Variants in COL21A1 observed in about 807,000 individuals in gnomAD.
COL21A1 encodes the protein collagen type XXI alpha 1 chain, also known as collagen alpha-1(XXI) chain.
A neutral mutation model predicts 137.9 loss-of-function variants in COL21A1; 149 were observed. The ratio of observed to expected loss-of-function variants is 1.08; its 90% CI spans 0.95 to 1.24. The LOEUF is 1.24. COL21A1 is among the 50% of genes most tolerant of loss of function. The probability of loss-of-function intolerance (pLI) is 0.00; values close to 1 mark genes in which losing one functional copy is unlikely to be tolerated. For synonymous variants in COL21A1, 456 were observed against 391.5 expected (o/e 1.16, Z -1.95); for missense variants, 1,167 against 1,158.4 (o/e 1.01, Z -0.11).
chr6:56,216,767 A>G (rs1023318073), intron 1 of COL21A1, among the ~76,000 whole-genome samples: 27 of 152,062 alleles, frequency 1.8e-4, no homozygotes, highest in African/African-American at 6.5e-4. Flanking sequence ...TTCTTAACAC[A>G]TGGGCACTAA....
At chr6:56,080,803 T>C (rs759138048) in intron 17 of COL21A1, among the ~76,000 whole-genome samples, 3 of 151,894 alleles carry the variant, frequency 2.0e-5, no homozygotes, top group South Asian at 4.1e-4. Flanking sequence ...CAAGAAGTGA[T>C]TTATTCATTC....
Position 56,170,703 on chromosome 6 carries a change from T to G in COL21A1, c.972A>C (p.Thr324=). Residue 324 remains threonine (T), a synonymous_variant, in exon 5 of 30, where the codon ACA becomes ACC. Transcript: ENST00000244728. ...CTTGTGAGCCATTAATTACGCTGGT[T>G]GTTGTAAATAATAAGATTTTGTCCA... ...NGVDKILLFT[T]TSVINGSQVV... The G allele has an allele frequency of 6.2e-7, 1 of 1,606,264 alleles. No individual in the cohort carries two copies. Among genetic ancestry groups the G allele is most frequent in the Non-Finnish European group, 8.5e-7 (1 of 1,175,338 alleles).
chr6:56,181,016 C>T (rs957552642), intron 2 of COL21A1, among the ~76,000 whole-genome samples: 2 of 152,186 alleles, frequency 1.3e-5, no homozygotes, highest in African/African-American at 4.8e-5. Flanking sequence ...GATTGCCTGT[C>T]GGCTTTATCA....
intron 29 of COL21A1, 69 bp from the exon 30 acceptor site, chr6:56,057,913 C>A: frequency 5.8e-6 from 6 of 1,034,790 alleles, no homozygotes; most frequent in Non-Finnish European, 7.9e-6. Context: ...GCCAATTCTG[C>A]AAGAAACTTA....
At chr6:56,196,058 G>A (rs557194881) in intron 1 of COL21A1, among the ~76,000 whole-genome samples, 30 of 151,980 alleles carry the variant, frequency 2.0e-4, no homozygotes, top group Non-Finnish European at 3.8e-4. Context: ...TGCAAGGATG[G>A]TCCAACATAG....
intron 23 of COL21A1, among the ~76,000 whole-genome samples, chr6:56,066,979 G>A (rs1280508790): frequency 1.4e-4 from 17 of 118,856 alleles, no homozygotes; most frequent in South Asian, 2.9e-4. Context: ...ATATATATAT[G>A]TGTGTGTGTG....
chr6:56,362,323 T>G (rs1353963211), intron 1 of COL21A1, among the ~76,000 whole-genome samples: 1 of 152,240 alleles, frequency 6.6e-6, no homozygotes, highest in Non-Finnish European at 1.5e-5. Context: ...TTAAGTTTTC[T>G]TATTTTTGCT....
At position 56,189,205 on chromosome 6, in the gene COL21A1, A is replaced by C. The variant is rs1222432701; in HGVS notation, c.-38-6549T>G. On this transcript the variant is annotated intron_variant, in intron 1 of 29. Coordinates refer to ENST00000244728, the MANE Select transcript of COL21A1 (RefSeq NM_030820.4). ...GAGCATGTTCTAACCCAATGTAAGGAAGCTAAGAACCTTGAAAAAAGGTTA... is the reference window on the plus strand; with the variant it reads ...GAGCATGTTCTAACCCAATGTAAGGCAGCTAAGAACCTTGAAAAAAGGTTA... 2.6e-5 allele frequency among the ~76,000 whole-genome samples: 4 copies of C among 152,148 alleles called. No individual in the cohort carries two copies. The East Asian group carries it at 7.8e-4, about 30-fold the overall frequency.
chr6:56,269,236 T>C (rs1462410691), intron 1 of COL21A1, among the ~76,000 whole-genome samples: 1 of 152,116 alleles, frequency 6.6e-6, no homozygotes, highest in East Asian at 1.9e-4. Flanking sequence ...ACAGCTAACA[T>C]GCCAATTCAA....
intron 1 of COL21A1, among the ~76,000 whole-genome samples, chr6:56,337,124 T>C (rs1221104579): frequency 6.6e-6 from 1 of 152,218 alleles, no homozygotes; most frequent in African/African-American, 2.4e-5. Context: ...TCCTGGATGC[T>C]CTTCTTGATC....
rs752692336 is a variant in COL21A1 at position 56,101,541 on chromosome 6, CA to C, written c.1759-17del. ...CTGCTTCTCCCTTTTAATGATTTGA[CA>C]AAAAGAAATAGAGAATTCAGTTTTG... On this transcript the variant is annotated splice_polypyrimidine_tract_variant and intron_variant, in intron 16 of 29. Transcript: ENST00000244728. 5.1e-6 allele frequency: 8 copies of C among 1,569,782 alleles called. No homozygotes were observed. In the African/African-American group the frequency reaches 9.5e-5, roughly 19 times the overall value.
chr6:56,080,290 A>T (rs1003150577), intron 17 of COL21A1, among the ~76,000 whole-genome samples: 37 of 151,856 alleles, frequency 2.4e-4, no homozygotes, highest in African/African-American at 8.9e-4. Context: ...AAGTGGACAT[A>T]TTTCCTCTAC....
At chr6:56,200,166 T>G (rs1290753124) in intron 1 of COL21A1, among the ~76,000 whole-genome samples, 2 of 152,158 alleles carry the variant, frequency 1.3e-5, no homozygotes, top group Non-Finnish European at 2.9e-5. Flanking sequence ...GAGTCATGCA[T>G]GTGGGAGCAA....
chr6:56,149,101 C>T (rs547195761), intron 10 of COL21A1, among the ~76,000 whole-genome samples: 2 of 152,262 alleles, frequency 1.3e-5, no homozygotes, highest in Admixed American at 6.5e-5. Flanking sequence ...ACAAGTAAGA[C>T]CCATACATTT....
At chr6:56,057,878 G>A in intron 29 of COL21A1, 34 bp from the exon 30 acceptor site, 1 of 1,414,382 alleles carries the variant, frequency 7.1e-7, no homozygotes, top group Non-Finnish European at 9.3e-7. Context: ...GTAAACAGAG[G>A]ACTTTAGTTT....
chr6:56,203,966 C>A (rs1779577716), intron 1 of COL21A1, among the ~76,000 whole-genome samples: 1 of 152,162 alleles, frequency 6.6e-6, no homozygotes, highest in African/African-American at 2.4e-5. Context: ...ATGGTCTTCA[C>A]AACTAGCAAA....
chr6:56,267,603 CA>C (rs1446155666), intron 1 of COL21A1, among the ~76,000 whole-genome samples: 1 of 150,218 alleles, frequency 6.7e-6, no homozygotes, highest in Non-Finnish European at 1.5e-5. Context: ...ACTAAAAATA[CA>C]AAACAGCCAG....
At chr6:56,169,718 A>G (rs1295407954) in intron 5 of COL21A1, among the ~76,000 whole-genome samples, 1 of 151,842 alleles carries the variant, frequency 6.6e-6, no homozygotes, top group Non-Finnish European at 1.5e-5. Context: ...ATTTATGCAG[A>G]TTTCCTCTTA....
At chr6:56,163,195 A>G (rs1776310389) in intron 9 of COL21A1, among the ~76,000 whole-genome samples, 1 of 152,242 alleles carries the variant, frequency 6.6e-6, no homozygotes, top group Non-Finnish European at 1.5e-5. Flanking sequence ...AACAAAAATG[A>G]TTATGGTCGC....
Sources: allele counts gnomAD v4.1 joint callset (sites outside exome capture counted in the v4.1 genomes callset), GRCh38; gene constraint gnomAD v4.1.1; transcripts MANE v1.5; gene names NCBI Gene and HGNC (gene_info 2026-07-23, HGNC 2026-07-21).